The following DLGAP1 variants were observed in gnomAD, a reference collection of about 807,000 sequenced individuals.
DLGAP1 encodes the protein disks large-associated protein 1.
A neutral mutation model predicts 90.8 loss-of-function variants in DLGAP1; 11 were observed. That is an observed-to-expected ratio of 0.12 (90% confidence interval 0.08 to 0.20). DLGAP1 has a LOEUF of 0.20. Ranked by LOEUF, DLGAP1 falls within the 10% of genes least tolerant of loss-of-function variation. The pLI, the probability that DLGAP1 is intolerant of heterozygous loss-of-function variation, is 1.00. For synonymous variants in DLGAP1, 558 were observed against 540.7 expected (o/e 1.03, Z -0.44); for missense variants, 1,050 against 1,333.8 (o/e 0.79, Z 3.31).
At chr18:3,504,533 T>C (rs574291956) in intron 11 of DLGAP1, among the ~76,000 whole-genome samples, 3 of 152,176 alleles carry the variant, frequency 2.0e-5, no homozygotes, top group Admixed American at 2.0e-4. Flanking sequence ...TACAGGTGTG[T>C]GCCACCATGC....
At chr18:4,321,000 A>C (rs1251083090) in intron 1 of DLGAP1, among the ~76,000 whole-genome samples, 2 of 152,218 alleles carry the variant, frequency 1.3e-5, no homozygotes, top group Non-Finnish European at 2.9e-5. Context: ...TCTAAGTGCA[A>C]ATGAAAAATA....
At chr18:3,757,153 T>TA in intron 5 of DLGAP1, among the ~76,000 whole-genome samples, 1 of 152,334 alleles carries the variant, frequency 6.6e-6, no homozygotes, top group Admixed American at 6.5e-5. Flanking sequence ...CTCATGCCCG[T>TA]AACCCCAGCA....
chr18:3,912,143 T>C (rs59068082), intron 3 of DLGAP1, among the ~76,000 whole-genome samples: 9 of 152,204 alleles, frequency 5.9e-5, no homozygotes, highest in Non-Finnish European at 1.0e-4. Flanking sequence ...TAAAGTTTGT[T>C]ACATATTAAT....
At chr18:3,621,244 T>A (rs907003013) in intron 7 of DLGAP1, among the ~76,000 whole-genome samples, 6 of 152,134 alleles carry the variant, frequency 3.9e-5, no homozygotes, top group African/African-American at 1.4e-4. Flanking sequence ...AAGGATCCTA[T>A]ACAAGATTTC....
chr18:4,001,839 G>A (rs1435554873), intron 3 of DLGAP1, among the ~76,000 whole-genome samples: 1 of 152,160 alleles, frequency 6.6e-6, no homozygotes, highest in Admixed American at 6.5e-5. Context: ...CAAGTTGGAG[G>A]CGGCAGGACT....
chr18:3,927,297 T>A (rs1476748775), intron 3 of DLGAP1, among the ~76,000 whole-genome samples: 1 of 152,234 alleles, frequency 6.6e-6, no homozygotes, highest in Non-Finnish European at 1.5e-5. Context: ...CTGAGGAACA[T>A]GTGATTGTCA....
chr18:4,276,013 G>C (rs2079404098), intron 1 of DLGAP1, among the ~76,000 whole-genome samples: 1 of 151,916 alleles, frequency 6.6e-6, no homozygotes, highest in Admixed American at 6.6e-5. Flanking sequence ...GCTAGGAGGA[G>C]CAGAAAAAAG....
Position 3,640,388 on chromosome 18 carries a change from C to T in DLGAP1, c.1592-58140G>A, listed in dbSNP as rs143638818. On this transcript the variant is annotated intron_variant, in intron 7 of 12. Transcript: ENST00000315677. ...ACATGCAATAATAGTATACCATCTT[C>T]GAAAGCACTTCAAAGCAACCAGGAA... 2.8e-3 allele frequency among the ~76,000 whole-genome samples: 419 copies of T among 152,308 alleles called. 2 individuals are homozygous for T. Among genetic ancestry groups the T allele is most frequent in the African/African-American group, 9.9e-3 (411 of 41,556 alleles).
chr18:4,214,026 GAGTCATCGCTACAGAAGATA>G (rs968081240), intron 1 of DLGAP1, among the ~76,000 whole-genome samples: 1 of 152,116 alleles, frequency 6.6e-6, no homozygotes, highest in Non-Finnish European at 1.5e-5. Context: ...CTAGATTGAG[GAGTCATCGCTACAGAAGATA>G]AGGTGGAGAC....
At chr18:3,697,917 T>G (rs1390635565) in intron 7 of DLGAP1, among the ~76,000 whole-genome samples, 2 of 152,250 alleles carry the variant, frequency 1.3e-5, no homozygotes, top group East Asian at 3.8e-4. Context: ...CTTGTTGCAT[T>G]GACTCCTTAA....
At chr18:3,716,842 T>C (rs1490225022) in intron 7 of DLGAP1, among the ~76,000 whole-genome samples, 2 of 151,988 alleles carry the variant, frequency 1.3e-5, no homozygotes, top group African/African-American at 2.4e-5. Context: ...TTTTAAAACA[T>C]TTGTGGCTGG....
chr18:3,597,091 CTT>C (rs760261950), intron 7 of DLGAP1: 43 of 499,666 alleles, frequency 8.6e-5, no homozygotes, highest in Non-Finnish European at 1.6e-4. Context: ...CCTCGTTACT[CTT>C]TTTTTTTTCA....
At chr18:3,561,253 TA>T (rs1222676731) in intron 9 of DLGAP1, among the ~76,000 whole-genome samples, 31 of 66,352 alleles carry the variant, frequency 4.7e-4, no homozygotes, top group South Asian at 1.4e-3. Context: ...CCGTCTCTAC[TA>T]AAAAAAAAAA....
intron 1 of DLGAP1, among the ~76,000 whole-genome samples, chr18:4,223,141 G>A (rs543136308): frequency 1.1e-4 from 17 of 151,934 alleles, no homozygotes; most frequent in Non-Finnish European, 1.8e-4. Context: ...CTTTTTAAAC[G>A]GTGTGTGAAG....
intron 1 of DLGAP1, among the ~76,000 whole-genome samples, chr18:4,309,056 C>A (rs950915756): frequency 6.6e-6 from 1 of 152,172 alleles, no homozygotes; most frequent in South Asian, 2.1e-4. Flanking sequence ...TAGAAATATT[C>A]CATACACTGT....
intron 2 of DLGAP1, among the ~76,000 whole-genome samples, chr18:4,046,991 C>T (rs1336633029): frequency 6.6e-6 from 1 of 152,190 alleles, no homozygotes; most frequent in African/African-American, 2.4e-5. Context: ...TCTTTGCCTC[C>T]ACATCCTGGA....
chr18:4,241,662 C>G (rs1199171827), intron 1 of DLGAP1, among the ~76,000 whole-genome samples: 2 of 152,174 alleles, frequency 1.3e-5, no homozygotes, highest in Non-Finnish European at 2.9e-5. Context: ...TCCAACAGCA[C>G]TGGCTGGAGG....
intron 7 of DLGAP1, among the ~76,000 whole-genome samples, chr18:3,647,302 T>A (rs1006147058): frequency 2.1e-5 from 3 of 144,366 alleles, no homozygotes. Flanking sequence ...ATATATATAA[T>A]AACATCAAGC....
intron 7 of DLGAP1, among the ~76,000 whole-genome samples, chr18:3,707,565 A>G (rs547996810): frequency 6.6e-6 from 1 of 151,260 alleles, no homozygotes; most frequent in Non-Finnish European, 1.5e-5. Context: ...ACGCCACTGC[A>G]CTCCAGCCTG....
Sources: allele counts gnomAD v4.1 joint callset (sites outside exome capture counted in the v4.1 genomes callset), GRCh38; gene constraint gnomAD v4.1.1; transcripts MANE v1.5; gene names NCBI Gene and HGNC (gene_info 2026-07-23, HGNC 2026-07-21).